Variants in COG3 observed in about 807,000 individuals in gnomAD.
COG3 encodes the protein conserved oligomeric Golgi complex subunit 3.
A neutral mutation model predicts 114.1 loss-of-function variants in COG3; 32 were observed. The observed-to-expected ratio is 0.28, with a 90% confidence interval of 0.21 to 0.38. The LOEUF (loss-of-function observed/expected upper bound fraction) is 0.38. Ranked by LOEUF, COG3 falls within the 10% of genes least tolerant of loss-of-function variation. COG3 has a pLI of 1.00. For missense variants in COG3, 813 were observed against 973.2 expected, an observed-to-expected ratio of 0.84 and a Z score of 2.19; for synonymous variants, 352 against 365.7, an observed-to-expected ratio of 0.96 and a Z score of 0.43.
intron 20 of COG3, among the ~76,000 whole-genome samples, chr13:45,526,357 A>G (rs371440179): frequency 2.7e-4 from 41 of 152,256 alleles, no homozygotes; most frequent in African/African-American, 9.1e-4. Context: ...AAATGCTGGG[A>G]TTACAGGCCT....
At chr13:45,514,876 C>T (rs1185295192) in intron 16 of COG3, among the ~76,000 whole-genome samples, 2 of 151,760 alleles carry the variant, frequency 1.3e-5, no homozygotes, top group Non-Finnish European at 2.9e-5. Context: ...TCTCTGTCTC[C>T]TTACCTCGTG....
chr13:45,502,560 C>T (rs947214520), intron 13 of COG3, among the ~76,000 whole-genome samples: 3 of 151,988 alleles, frequency 2.0e-5, no homozygotes, highest in African/African-American at 4.8e-5. Flanking sequence ...AATTTCTGCA[C>T]GTGGAATGAG....
intron 6 of COG3, among the ~76,000 whole-genome samples, chr13:45,482,880 C>T (rs568173671): frequency 2.6e-5 from 4 of 152,296 alleles, no homozygotes; most frequent in African/African-American, 9.6e-5. Context: ...TTTAATCACC[C>T]TCTATTTCTG....
intron 14 of COG3, among the ~76,000 whole-genome samples, chr13:45,509,042 CTT>C (rs35234559): frequency 2.8e-4 from 40 of 143,028 alleles, no homozygotes; most frequent in Middle Eastern, 3.6e-3. Context: ...GATCTGCTTC[CTT>C]TTTTTTTTTT....
At position 45,536,408 on chromosome 13, in the gene COG3, C is replaced by G. The variant is rs909152859; in HGVS notation, c.*1677C>G. The G allele has an allele frequency of 2.6e-5, 4 of 152,086 alleles. No individual in the cohort carries two copies. The highest frequency in any genetic ancestry group is 9.7e-5 in the African/African-American group (4 of 41,394). The allele number at this position is 152,086 out of a possible 1,614,324, so 9.4% of individuals were successfully genotyped here. On this transcript the variant is annotated 3_prime_UTR_variant, in exon 23 of 23. Coordinates refer to ENST00000349995, the MANE Select transcript of COG3 (RefSeq NM_031431.4). ...GTTCTTGTCTTTTGATCTTTTATTT[C>G]TGAAACACTCAAACACCTTACAAAG... is the stretch of plus-strand genomic sequence containing the variant.
intron 7 of COG3, among the ~76,000 whole-genome samples, chr13:45,483,896 C>T (rs1162661454): frequency 1.3e-5 from 2 of 151,988 alleles, no homozygotes; most frequent in African/African-American, 4.8e-5. Flanking sequence ...AACAAAGAGG[C>T]GCTAATAAGG....
chr13:45,498,148 TTGTG>T (rs550642127), intron 13 of COG3, among the ~76,000 whole-genome samples: 2 of 151,174 alleles, frequency 1.3e-5, no homozygotes, highest in Non-Finnish European at 3.0e-5. Context: ...CTTTATCTCT[TTGTG>T]TGTGTGTGTG....
chr13:45,506,567 C>T (rs1480873734), intron 14 of COG3, among the ~76,000 whole-genome samples: 5 of 152,102 alleles, frequency 3.3e-5, no homozygotes, highest in Admixed American at 2.6e-4. Flanking sequence ...AGAAAATCTG[C>T]CCCTGGGGTA....
At chr13:45,517,228 T>C (rs1998789) in intron 17 of COG3, among the ~76,000 whole-genome samples, 115,286 of 152,026 alleles carry the variant, frequency 0.76, 44,400 homozygotes, top group Admixed American at 0.84. Flanking sequence ...ATTAAAAAAA[T>C]GGTCACTCAA....
chr13:45,494,666 A>G (rs911402666), intron 12 of COG3, among the ~76,000 whole-genome samples: 1 of 151,826 alleles, frequency 6.6e-6, no homozygotes, highest in African/African-American at 2.4e-5. Context: ...CTGAGACTAC[A>G]GGTGCATGCC....
intron 13 of COG3, among the ~76,000 whole-genome samples, chr13:45,497,961 A>G (rs1869028209): frequency 6.6e-6 from 1 of 152,194 alleles, no homozygotes; most frequent in Non-Finnish European, 1.5e-5. Context: ...CAAAACAACA[A>G]TAACAGAATT....
rs1869743292 is a variant in COG3, at chr13:45,503,258, T to G, written c.1503T>G (p.Ser501Arg). Residue 501 changes from serine to arginine, a missense_variant, in exon 14 of 23, where the codon AGT becomes AGG. Coordinates refer to ENST00000349995, the MANE Select transcript of COG3 (RefSeq NM_031431.4). Reference sequence around the variant, plus strand: ...TCTTTATACAGCAGATTGCACAGAGTTTGAAAGATGAACAGAAGAAGGTAC... The same window carrying G: ...TCTTTATACAGCAGATTGCACAGAGGTTGAAAGATGAACAGAAGAAGGTAC... ...KLVMMEQIAQ[S>R]LKDEQKKVPS... 1 of 1,583,906 alleles carries G rather than the reference T, an allele frequency of 6.3e-7. No homozygotes were observed. The highest frequency in any genetic ancestry group is 8.7e-7 in the Non-Finnish European group (1 of 1,152,964).
At position 45,464,970 on chromosome 13, in the gene COG3, T is replaced by C. The variant is rs1885034913; in HGVS notation, c.-67T>C. The C allele has an allele frequency of 6.7e-7, 1 of 1,499,850 alleles. No individual in the cohort carries two copies. Among genetic ancestry groups the C allele is most frequent in the African/African-American group, 1.4e-5 (1 of 71,720 alleles). The allele number at this position is 1,499,850 out of a possible 1,614,324, so 92.9% of individuals were successfully genotyped here. A position where few individuals can be genotyped will look rare whatever the true frequency, so the allele number is the denominator to read the frequency against. ...TTGGAAGCTCCGGTTCTCCCGGAAG[T>C]GGCCCAGGTCTCTCTGTCGGGGTCC... On this transcript the variant is annotated 5_prime_UTR_variant, in exon 1 of 23. Coordinates refer to ENST00000349995, the MANE Select transcript of COG3 (RefSeq NM_031431.4).
At chr13:45,533,824 T>C (rs1357699147) in intron 22 of COG3, among the ~76,000 whole-genome samples, 3 of 152,248 alleles carry the variant, frequency 2.0e-5, no homozygotes, top group African/African-American at 7.2e-5. Context: ...GTTGTCTCTT[T>C]CATCATGATT....
chr13:45,490,000 C>T (rs539617292), intron 8 of COG3, among the ~76,000 whole-genome samples: 23 of 152,116 alleles, frequency 1.5e-4, no homozygotes, highest in African/African-American at 4.6e-4. Context: ...GTTTTCTACA[C>T]GGTATTGGGA....
intron 13 of COG3, among the ~76,000 whole-genome samples, chr13:45,497,910 A>G (rs904425520): frequency 2.0e-5 from 3 of 152,224 alleles, no homozygotes; most frequent in Non-Finnish European, 4.4e-5. Context: ...TAAGTAGCAG[A>G]AACCAATGAG....
chr13:45,494,325 TAA>T (rs756763419), intron 12 of COG3, among the ~76,000 whole-genome samples: 158 of 116,992 alleles, frequency 1.4e-3, no homozygotes, highest in African/African-American at 3.8e-3. Flanking sequence ...GACTCTGTCT[TAA>T]AAAAAAAAAA....
At position 45,535,785 on chromosome 13, in the gene COG3, A is replaced by G. The variant is rs762089868; in HGVS notation, c.*1054A>G. 40 of 987,530 alleles carry G rather than the reference A, an allele frequency of 4.1e-5. No individual in the cohort carries two copies. The Middle Eastern group carries it at 8.4e-4, about 21-fold the overall frequency. The allele number at this position is 987,530 out of a possible 1,614,324, so 61.2% of individuals were successfully genotyped here. A position where few individuals can be genotyped will look rare whatever the true frequency, so the allele number is the denominator to read the frequency against. On this transcript the variant is annotated 3_prime_UTR_variant, in exon 23 of 23. Coordinates refer to ENST00000349995, the MANE Select transcript of COG3 (RefSeq NM_031431.4). ...AAACTACCACACCATATCAGGGATCATAAATTATGCATATCTATGAATTTT... is the reference window on the plus strand; with the variant it reads ...AAACTACCACACCATATCAGGGATCGTAAATTATGCATATCTATGAATTTT...
At chr13:45,524,364 T>C (rs962783331) in intron 19 of COG3, among the ~76,000 whole-genome samples, 1 of 152,180 alleles carries the variant, frequency 6.6e-6, no homozygotes, top group African/African-American at 2.4e-5. Flanking sequence ...AAGTGCCCTT[T>C]TTTGGATCCA....
Sources: allele counts gnomAD v4.1 joint callset (sites outside exome capture counted in the v4.1 genomes callset), GRCh38; gene constraint gnomAD v4.1.1; transcripts MANE v1.5; gene names NCBI Gene and HGNC (gene_info 2026-07-23, HGNC 2026-07-21).